The following BMPR1A variants were observed in gnomAD, a reference collection of about 807,000 sequenced individuals.
The protein encoded by BMPR1A is bone morphogenetic protein receptor type-1A.
Under a neutral mutation model 66.0 loss-of-function variants are expected in BMPR1A, and 7 were observed. That is an observed-to-expected ratio of 0.11 (90% CI 0.06 to 0.20). The LOEUF (loss-of-function observed/expected upper bound fraction) is 0.20, where lower values mean the gene tolerates loss of function less well. Among genes scored for constraint, BMPR1A ranks in the 10% least tolerant of loss-of-function variants. The pLI, the probability that BMPR1A is intolerant of heterozygous loss-of-function variation, is 1.00. For missense variants in BMPR1A, 408 were observed against 669.1 expected, an observed-to-expected ratio of 0.61 and a Z score of 4.31; for synonymous variants, 200 against 229.7, an observed-to-expected ratio of 0.87 and a Z score of 1.17.
intron 2 of BMPR1A, among the ~76,000 whole-genome samples, chr10:86,839,617 T>C (rs1199404178): frequency 6.7e-6 from 1 of 149,884 alleles, no homozygotes; most frequent in African/African-American, 2.4e-5. Flanking sequence ...AAAAAAAGAT[T>C]ATATTGAAAA....
chr10:86,816,075 G>C (rs1222728489), intron 1 of BMPR1A, among the ~76,000 whole-genome samples: 1 of 152,142 alleles, frequency 6.6e-6, no homozygotes, highest in African/African-American at 2.4e-5. Flanking sequence ...AATTTCTGTT[G>C]TGCTAAGCCA....
At chr10:86,916,051 G>T (rs1020082567) in intron 8 of BMPR1A, among the ~76,000 whole-genome samples, 1 of 152,174 alleles carries the variant, frequency 6.6e-6, no homozygotes, top group Non-Finnish European at 1.5e-5. Flanking sequence ...GAGAGGTTTT[G>T]TGTGCTATGA....
chr10:86,791,282 G>A lies in BMPR1A; in HGVS notation c.-268+34363G>A, dbSNP rs376589920. On this transcript the variant is annotated intron_variant, in intron 1 of 12. Coordinates refer to ENST00000372037, the MANE Select transcript of BMPR1A (RefSeq NM_004329.3). ...GGCTGGAGTGCAGTGGTGCGATCTC[G>A]GCTCACTGCAAGCTCCGCCTCCTGG... is the stretch of plus-strand genomic sequence containing the variant. Among the ~76,000 whole-genome samples the A allele has an allele frequency of 5.2e-3, 777 of 149,802 alleles. 10 individuals carry two copies. The highest frequency in any genetic ancestry group is 0.019 in the African/African-American group (756 of 40,668).
At chr10:86,823,214 C>T (rs1842145119) in intron 1 of BMPR1A, among the ~76,000 whole-genome samples, 1 of 152,220 alleles carries the variant, frequency 6.6e-6, no homozygotes, top group African/African-American at 2.4e-5. Context: ...TTTAATACAG[C>T]TGCTTGTATT....
At chr10:86,792,422 A>C (rs1025154303) in intron 1 of BMPR1A, among the ~76,000 whole-genome samples, 9 of 152,194 alleles carry the variant, frequency 5.9e-5, no homozygotes. Flanking sequence ...TAAAAATTAT[A>C]ATGGTAATTG....
At chr10:86,840,880 C>T (rs910214413) in intron 2 of BMPR1A, among the ~76,000 whole-genome samples, 6 of 152,180 alleles carry the variant, frequency 3.9e-5, no homozygotes, top group Admixed American at 6.5e-5. Flanking sequence ...CCTCTCTTTC[C>T]GAATCCCCCT....
intron 1 of BMPR1A, among the ~76,000 whole-genome samples, chr10:86,757,395 C>T (rs1847891140): frequency 6.6e-6 from 1 of 152,202 alleles, no homozygotes; most frequent in Non-Finnish European, 1.5e-5. Flanking sequence ...GCCCTGGCCC[C>T]CGAGCTCCCG....
chr10:86,765,482 T>TC (rs1264542728), intron 1 of BMPR1A, among the ~76,000 whole-genome samples: 4 of 50,584 alleles, frequency 7.9e-5, no homozygotes, highest in Non-Finnish European at 1.3e-4. Flanking sequence ...AGACTCTGTC[T>TC]CAAAAAAAAA....
intron 2 of BMPR1A, among the ~76,000 whole-genome samples, chr10:86,861,256 G>C (rs1361697312): frequency 6.6e-6 from 1 of 152,178 alleles, no homozygotes; most frequent in East Asian, 1.9e-4. Flanking sequence ...ACTCTTCTAG[G>C]TTCCCAAGTT....
chr10:86,821,833 T>A (rs184060130), intron 1 of BMPR1A, among the ~76,000 whole-genome samples: 65 of 152,142 alleles, frequency 4.3e-4, no homozygotes, highest in Non-Finnish European at 4.4e-5. Flanking sequence ...TGAGACGGGT[T>A]CTTGGCTCTG....
intron 3 of BMPR1A, among the ~76,000 whole-genome samples, chr10:86,887,688 A>C (rs977495130): frequency 6.6e-6 from 1 of 152,182 alleles, no homozygotes; most frequent in East Asian, 1.9e-4. Flanking sequence ...TTTCTGTGTC[A>C]CTAGATTTTT....
At chr10:86,862,605 G>A (rs1012473148) in intron 2 of BMPR1A, among the ~76,000 whole-genome samples, 1 of 152,156 alleles carries the variant, frequency 6.6e-6, no homozygotes, top group African/African-American at 2.4e-5. Context: ...CAGGCAAAGG[G>A]GTTAGTGGCT....
chr10:86,756,671 G>C lies in BMPR1A; in HGVS notation c.-516G>C, dbSNP rs2132552661. Reference sequence around the variant, plus strand: ...CTGCAGAGATTGGAATCCGCCTGCCGGGCTTGGCGAAGGAGAAGGGAGGAG... The same window carrying C: ...CTGCAGAGATTGGAATCCGCCTGCCCGGCTTGGCGAAGGAGAAGGGAGGAG... On this transcript the variant is annotated 5_prime_UTR_variant, in exon 1 of 13. Transcript: ENST00000372037. 2 of 152,172 alleles carry C rather than the reference G, an allele frequency of 1.3e-5. No individual in the cohort carries two copies. The highest frequency in any genetic ancestry group is 4.1e-4 in the South Asian group (2 of 4,842). The allele number at this position is 152,172 out of a possible 1,614,324, so 9.4% of individuals were successfully genotyped here. A position where few individuals can be genotyped will look rare whatever the true frequency, so the allele number is the denominator to read the frequency against.
intron 7 of BMPR1A, among the ~76,000 whole-genome samples, chr10:86,902,657 G>C (rs115121995): frequency 0.046 from 6,992 of 152,272 alleles, 207 homozygotes; most frequent in South Asian, 0.078. Context: ...TGCCAATCAA[G>C]GTGTCAGGCT....
intron 2 of BMPR1A, among the ~76,000 whole-genome samples, chr10:86,869,442 G>A (rs1342297623): frequency 7.5e-6 from 1 of 132,600 alleles, no homozygotes; most frequent in Non-Finnish European, 1.5e-5. Flanking sequence ...GGGCTACAGA[G>A]CAAGACTCTG....
At chr10:86,869,954 C>G (rs1842834257) in intron 2 of BMPR1A, among the ~76,000 whole-genome samples, 1 of 151,964 alleles carries the variant, frequency 6.6e-6, no homozygotes, top group Non-Finnish European at 1.5e-5. Flanking sequence ...AAACCGAGAC[C>G]TGGATAGCTT....
At chr10:86,879,342 C>G (rs1842958615) in intron 3 of BMPR1A, among the ~76,000 whole-genome samples, 1 of 152,214 alleles carries the variant, frequency 6.6e-6, no homozygotes, top group Non-Finnish European at 1.5e-5. Context: ...TCCTTCTAAT[C>G]TTAGTGGCCA....
chr10:86,847,681 C>T (rs964243686), intron 2 of BMPR1A, among the ~76,000 whole-genome samples: 12 of 151,888 alleles, frequency 7.9e-5, no homozygotes, highest in Admixed American at 7.2e-4. Context: ...TACACACACA[C>T]GTGTGTATGT....
At chr10:86,903,399 A>G (rs1319158995) in intron 7 of BMPR1A, among the ~76,000 whole-genome samples, 3 of 152,112 alleles carry the variant, frequency 2.0e-5, no homozygotes, top group Non-Finnish European at 4.4e-5. Context: ...AGATGAAATA[A>G]TATACTAGAT....
Sources: gnomAD v4.1 joint callset for allele counts (sites outside exome capture counted in the v4.1 genomes callset) on GRCh38, gnomAD v4.1.1 for gene constraint, MANE v1.5 for transcripts, NCBI Gene and HGNC (gene_info 2026-07-23, HGNC 2026-07-21) for gene names.